Variants in DPP10 observed in about 807,000 individuals in gnomAD.
DPP10 encodes inactive dipeptidyl peptidase 10.
Under a neutral mutation model 120.9 loss-of-function variants are expected in DPP10, and 33 were observed. That is an observed-to-expected ratio of 0.27 (90% CI 0.21 to 0.37). The LOEUF is 0.37. DPP10 is among the 10% of genes least tolerant of loss of function. The probability of loss-of-function intolerance (pLI) is 1.00; values close to 1 mark genes in which losing one functional copy is unlikely to be tolerated. For missense variants in DPP10, 816 were observed against 942.8 expected, an observed-to-expected ratio of 0.87 and a Z score of 1.76; for synonymous variants, 337 against 326.1, an observed-to-expected ratio of 1.03 and a Z score of -0.36.
chr2:115,766,284 A>ATGTGTG (rs1367029368), intron 12 of DPP10, among the ~76,000 whole-genome samples: 35 of 50,186 alleles, frequency 7.0e-4, no homozygotes, highest in East Asian at 1.7e-3. Context: ...CTCATTATAT[A>ATGTGTG]TATGTGTGTG....
intron 1 of DPP10, among the ~76,000 whole-genome samples, chr2:114,639,883 T>C (rs1230884850): frequency 6.6e-6 from 1 of 151,962 alleles, no homozygotes; most frequent in African/African-American, 2.4e-5. Flanking sequence ...AATGGATTTC[T>C]ATTGGAATCA....
chr2:114,820,256 A>T (rs898840889), intron 1 of DPP10, among the ~76,000 whole-genome samples: 1 of 152,184 alleles, frequency 6.6e-6, no homozygotes, highest in Admixed American at 6.5e-5. Flanking sequence ...ACAGATGAAG[A>T]AATTGGGACC....
chr2:115,004,677 G>C (rs186388613), intron 1 of DPP10, among the ~76,000 whole-genome samples: 1 of 152,230 alleles, frequency 6.6e-6, no homozygotes, highest in African/African-American at 2.4e-5. Flanking sequence ...AAAAAACGGC[G>C]CACCATGAGA....
intron 7 of DPP10, among the ~76,000 whole-genome samples, chr2:115,725,804 C>T (rs781095233): frequency 9.2e-5 from 14 of 152,116 alleles, no homozygotes; most frequent in Admixed American, 2.0e-4. Context: ...AAGGAATTTC[C>T]TCCAAATAAG....
intron 2 of DPP10, among the ~76,000 whole-genome samples, chr2:115,331,329 C>T (rs995138766): frequency 6.6e-6 from 1 of 152,096 alleles, no homozygotes; most frequent in African/African-American, 2.4e-5. Flanking sequence ...TGGGCTGAGA[C>T]GATGGGGTTT....
chr2:114,950,021 A>G (rs1697656737), intron 1 of DPP10, among the ~76,000 whole-genome samples: 1 of 152,148 alleles, frequency 6.6e-6, no homozygotes, highest in Non-Finnish European at 1.5e-5. Flanking sequence ...GTCTAATGTG[A>G]CTTAAAAAAA....
chr2:114,888,270 GCA>G (rs1441298122), intron 1 of DPP10, among the ~76,000 whole-genome samples: 5 of 152,102 alleles, frequency 3.3e-5, no homozygotes, highest in African/African-American at 1.2e-4. Flanking sequence ...TAGTTTTCCA[GCA>G]CAGAGTAGAA....
intron 13 of DPP10, among the ~76,000 whole-genome samples, chr2:115,774,529 C>G (rs1213224870): frequency 6.6e-6 from 1 of 152,036 alleles, no homozygotes; most frequent in East Asian, 1.9e-4. Flanking sequence ...TCTGTGCCAG[C>G]CTTTGGGTTA....
At chr2:115,392,152 A>T (rs545692372) in intron 3 of DPP10, among the ~76,000 whole-genome samples, 33 of 152,046 alleles carry the variant, frequency 2.2e-4, no homozygotes, top group Middle Eastern at 3.4e-3. Context: ...TCTGTTGTCG[A>T]TGGGAAATCA....
chr2:115,146,120 A>C (rs1171805082), intron 1 of DPP10, among the ~76,000 whole-genome samples: 1 of 152,104 alleles, frequency 6.6e-6, no homozygotes. Context: ...TAAATGTTGA[A>C]TCTATGACGC....
chr2:115,321,515 G>GTTTTTTTTTT, intron 2 of DPP10, among the ~76,000 whole-genome samples: 1 of 121,592 alleles, frequency 8.2e-6, no homozygotes, highest in Non-Finnish European at 1.6e-5. Flanking sequence ...TTTTTTTAGT[G>GTTTTTTTTTT]TTTTTTTTTT....
chr2:114,673,261 G>A (rs1467718719), intron 1 of DPP10, among the ~76,000 whole-genome samples: 3 of 152,048 alleles, frequency 2.0e-5, no homozygotes, highest in Non-Finnish European at 4.4e-5. Flanking sequence ...TCCACCCAGT[G>A]CCTAAGACGA....
chr2:115,726,103 ATTAT>A (rs1202116067), intron 7 of DPP10, among the ~76,000 whole-genome samples: 1 of 152,140 alleles, frequency 6.6e-6, no homozygotes, highest in African/African-American at 2.4e-5. Flanking sequence ...AGCAATAAAT[ATTAT>A]TTGTTAATAG....
intron 1 of DPP10, among the ~76,000 whole-genome samples, chr2:115,128,738 A>G (rs2050196215): frequency 6.6e-6 from 1 of 152,232 alleles, no homozygotes; most frequent in African/African-American, 2.4e-5. Context: ...ATTTTCTAGT[A>G]GAATAATGTC....
chr2:115,536,554 G>A (rs896268921), intron 5 of DPP10, among the ~76,000 whole-genome samples: 2 of 151,922 alleles, frequency 1.3e-5, no homozygotes, highest in African/African-American at 4.8e-5. Context: ...ATTAATTAGT[G>A]TTCTTGATGC....
At chr2:115,804,246 G>A (rs989577048) in intron 19 of DPP10, among the ~76,000 whole-genome samples, 4 of 152,144 alleles carry the variant, frequency 2.6e-5, no homozygotes, top group African/African-American at 9.6e-5. Flanking sequence ...TTGTGCATTC[G>A]TCACGTAGTT....
intron 1 of DPP10, among the ~76,000 whole-genome samples, chr2:114,801,295 A>G (rs1174226815): frequency 1.3e-5 from 2 of 150,846 alleles, no homozygotes; most frequent in Non-Finnish European, 3.0e-5. Context: ...AAAGAAAGAA[A>G]GAAAGGTACA....
At chr2:115,752,022 T>C (rs182549134) in intron 10 of DPP10, among the ~76,000 whole-genome samples, 8 of 152,150 alleles carry the variant, frequency 5.3e-5, no homozygotes, top group Admixed American at 3.3e-4. Flanking sequence ...ATGGTCTCCA[T>C]CTGCTGACGT....
At chr2:115,062,446 C>T (rs1286046695) in intron 1 of DPP10, among the ~76,000 whole-genome samples, 1 of 152,090 alleles carries the variant, frequency 6.6e-6, no homozygotes, top group Non-Finnish European at 1.5e-5. Flanking sequence ...AAACATGTTC[C>T]ATGGTGATTT....
Sources: gnomAD v4.1 joint callset for allele counts (sites outside exome capture counted in the v4.1 genomes callset) on GRCh38, gnomAD v4.1.1 for gene constraint, MANE v1.5 for transcripts, NCBI Gene and HGNC (gene_info 2026-07-23, HGNC 2026-07-21) for gene names.